The following ATP6V1G3 variants were observed in gnomAD, a reference collection of about 807,000 sequenced individuals.
ATP6V1G3 encodes ATPase H+ transporting V1 subunit G3, also known as V-type proton ATPase subunit G 3.
In ATP6V1G3, 9 loss-of-function variants were observed where a neutral mutation model predicts 9.3. The observed-to-expected ratio is 0.97, with a 90% CI of 0.59 to 1.69. ATP6V1G3 has a LOEUF of 1.69. Ranked by LOEUF, ATP6V1G3 falls within the 40% of genes most tolerant of loss-of-function variation. ATP6V1G3 has a pLI of 0.00. For synonymous variants in ATP6V1G3, 43 were observed against 43.8 expected, an observed-to-expected ratio of 0.98 and a Z score of 0.07; for missense variants, 133 against 139.0, an observed-to-expected ratio of 0.96 and a Z score of 0.22.
chr1:198,527,622 TAAGA>T (rs1659707262), intron 2 of ATP6V1G3, among the ~76,000 whole-genome samples: 1 of 152,108 alleles, frequency 6.6e-6, no homozygotes. Context: ...CAGGATTCAA[TAAGA>T]AAGAAAATCA....
intron 1 of ATP6V1G3, among the ~76,000 whole-genome samples, chr1:198,537,541 A>T (rs1558182297): frequency 6.6e-6 from 1 of 152,202 alleles, no homozygotes; most frequent in Non-Finnish European, 1.5e-5. Context: ...TAGACCTTCT[A>T]CAATGGTGTT....
intron 1 of ATP6V1G3, among the ~76,000 whole-genome samples, chr1:198,530,079 TC>T (rs1473222904): frequency 6.6e-6 from 1 of 152,166 alleles, no homozygotes; most frequent in East Asian, 1.9e-4. Flanking sequence ...TACTAATGCT[TC>T]ATGATCATTA....
At chr1:198,532,209 G>A (rs1051145676) in intron 1 of ATP6V1G3, among the ~76,000 whole-genome samples, 6 of 152,128 alleles carry the variant, frequency 3.9e-5, no homozygotes, top group African/African-American at 1.4e-4. Flanking sequence ...AGAAATCAAG[G>A]GAGAGTATAC....
intron 1 of ATP6V1G3, among the ~76,000 whole-genome samples, chr1:198,535,419 AT>A (rs1329061631): frequency 1.3e-5 from 2 of 152,090 alleles, no homozygotes; most frequent in Admixed American, 6.6e-5. Context: ...CAAATAGGAA[AT>A]TTGCTGATTT....
Position 198,530,897 on chromosome 1 carries a change from G to C in ATP6V1G3, c.83-1716C>G, listed in dbSNP as rs1009592591. ...TTTTTTTAGTAATAATGGGTTGTAG[G>C]ATACATAATTATTTTACAAAATAAA... On this transcript the variant is annotated intron_variant, in intron 1 of 2. Coordinates refer to ENST00000367382, the MANE Select transcript of ATP6V1G3 (RefSeq NM_001376861.1). 6.6e-5 allele frequency among the ~76,000 whole-genome samples: 10 copies of C among 151,906 alleles called. No individual in the cohort carries two copies. The South Asian group carries it at 2.1e-3, about 32-fold the overall frequency.
At chr1:198,537,920 G>T (rs1218447982) in intron 1 of ATP6V1G3, among the ~76,000 whole-genome samples, 2 of 152,174 alleles carry the variant, frequency 1.3e-5, no homozygotes, top group Non-Finnish European at 2.9e-5. Flanking sequence ...TTTTGCCATA[G>T]ATCGCTTATG....
At position 198,523,267 on chromosome 1, in the gene ATP6V1G3, C is replaced by T; in HGVS notation, c.*124G>A. ...TTCAGTGCCGATGTATGAGTTATGTCACATTTCCTGTAAATGTAAATTTAA... is the reference window on the plus strand; with the variant it reads ...TTCAGTGCCGATGTATGAGTTATGTTACATTTCCTGTAAATGTAAATTTAA... On this transcript the variant is annotated 3_prime_UTR_variant, in exon 3 of 3. Coordinates refer to ENST00000367382, the MANE Select transcript of ATP6V1G3 (RefSeq NM_001376861.1). 1.0e-6 allele frequency: 1 copy of T among 956,550 alleles called. No individual in the cohort carries two copies. The highest frequency in any genetic ancestry group is 2.6e-5 in the East Asian group (1 of 38,006). The allele number at this position is 956,550 out of a possible 1,614,324, so 59.3% of individuals were successfully genotyped here.
chr1:198,526,799 C>T (rs1052384482), intron 2 of ATP6V1G3, among the ~76,000 whole-genome samples: 6 of 152,138 alleles, frequency 3.9e-5, no homozygotes, highest in African/African-American at 1.2e-4. Context: ...TAAAGGTCTT[C>T]AATATGCCCA....
chr1:198,536,821 A>C, intron 1 of ATP6V1G3: 1 of 962,712 alleles, frequency 1.0e-6, no homozygotes, highest in South Asian at 1.8e-5. Context: ...AATACATGAC[A>C]TATATTAAAA....
rs139314248 is a variant in ATP6V1G3, at chr1:198,529,195, A to AATATATATATAT, written c.83-26_83-15dup. The AATATATATATAT allele has an allele frequency of 4.5e-6, 2 of 445,968 alleles. No homozygotes were observed. Among genetic ancestry groups the AATATATATATAT allele is most frequent in the African/African-American group, 4.5e-5 (2 of 44,508 alleles). The allele number at this position is 445,968 out of a possible 1,614,324, so 27.6% of individuals were successfully genotyped here. A position where few individuals can be genotyped will look rare whatever the true frequency, so the allele number is the denominator to read the frequency against. On this transcript the variant is annotated splice_polypyrimidine_tract_variant and intron_variant, in intron 1 of 2. Coordinates refer to ENST00000367382, the MANE Select transcript of ATP6V1G3 (RefSeq NM_001376861.1). ...GCTTTCCTTTTCCTGAAAATTAACA[A>AATATATATATAT]ATATATATATATATATATATAATTA... is the stretch of plus-strand genomic sequence containing the variant.
At chr1:198,536,246 G>A (rs1660110451) in intron 1 of ATP6V1G3, among the ~76,000 whole-genome samples, 1 of 152,104 alleles carries the variant, frequency 6.6e-6, no homozygotes. Flanking sequence ...GTTTGCAATG[G>A]GTGTAAGTGA....
chr1:198,532,061 T>C (rs1017432129), intron 1 of ATP6V1G3, among the ~76,000 whole-genome samples: 2 of 151,988 alleles, frequency 1.3e-5, no homozygotes, highest in African/African-American at 2.4e-5. Context: ...TTCCTGAGGA[T>C]ATTTAATTGG....
chr1:198,524,903 T>G (rs186596910), intron 2 of ATP6V1G3, among the ~76,000 whole-genome samples: 99 of 152,310 alleles, frequency 6.5e-4, no homozygotes, highest in Non-Finnish European at 1.2e-3. Context: ...TCAGGGTTGT[T>G]AGACTATTCT....
At chr1:198,536,712 A>T (rs770879349) in intron 1 of ATP6V1G3, 366 of 1,606,238 alleles carry the variant, frequency 2.3e-4, no homozygotes, top group Non-Finnish European at 3.0e-4. Context: ...TTTTAGGAAA[A>T]GTAGATGCAG....
chr1:198,529,619 T>G (rs1659815918), intron 1 of ATP6V1G3, among the ~76,000 whole-genome samples: 1 of 152,130 alleles, frequency 6.6e-6, no homozygotes, highest in Non-Finnish European at 1.5e-5. Context: ...ACCAACTGGA[T>G]CCTATTTAAC....
intron 2 of ATP6V1G3, among the ~76,000 whole-genome samples, chr1:198,528,740 A>T (rs1248189081): frequency 6.6e-6 from 1 of 152,062 alleles, no homozygotes; most frequent in Non-Finnish European, 1.5e-5. Flanking sequence ...ATGTTCTCTG[A>T]AGTTATTTTA....
chr1:198,534,195 C>T (rs1209859137), intron 1 of ATP6V1G3, among the ~76,000 whole-genome samples: 1 of 152,058 alleles, frequency 6.6e-6, no homozygotes, highest in South Asian at 2.1e-4. Context: ...CAGATGTAAT[C>T]AGGTTAAAAT....
chr1:198,524,609 A>G (rs950793499), intron 2 of ATP6V1G3, among the ~76,000 whole-genome samples: 2 of 152,010 alleles, frequency 1.3e-5, no homozygotes, highest in African/African-American at 4.8e-5. Context: ...CTCTTTCCTC[A>G]TAGCTTCTTT....
intron 1 of ATP6V1G3, among the ~76,000 whole-genome samples, chr1:198,531,074 G>A (rs1238853229): frequency 2.6e-5 from 4 of 152,174 alleles, no homozygotes; most frequent in South Asian, 2.1e-4. Context: ...CTAAGAGGCT[G>A]TATATTAGCT....
Sources: gnomAD v4.1 joint callset for allele counts (sites outside exome capture counted in the v4.1 genomes callset) on GRCh38, gnomAD v4.1.1 for gene constraint, MANE v1.5 for transcripts, NCBI Gene and HGNC (gene_info 2026-07-23, HGNC 2026-07-21) for gene names.